Variants in MINDY2 observed in about 807,000 individuals in gnomAD.
The protein encoded by MINDY2 is ubiquitin carboxyl-terminal hydrolase MINDY-2.
In MINDY2, 52 loss-of-function variants were observed where a neutral mutation model predicts 68.2. The ratio of observed to expected loss-of-function variants is 0.76; its 90% CI spans 0.61 to 0.96. The LOEUF is 0.96. Ranked by LOEUF, MINDY2 falls within the 40% of genes least tolerant of loss-of-function variation. The pLI is 0.00. For missense variants in MINDY2, 881 were observed against 773.4 expected (o/e 1.14, Z -1.65); for synonymous variants, 372 against 303.0 (o/e 1.23, Z -2.36).
intron 5 of MINDY2, among the ~76,000 whole-genome samples, chr15:58,825,946 T>A (rs1358004048): frequency 1.3e-5 from 2 of 152,178 alleles, no homozygotes; most frequent in Admixed American, 6.6e-5. Context: ...GACAAAAATA[T>A]GCTTATAAAA....
chr15:58,806,105 C>T (rs945675114), intron 3 of MINDY2, among the ~76,000 whole-genome samples: 3 of 152,148 alleles, frequency 2.0e-5, no homozygotes, highest in South Asian at 2.1e-4. Flanking sequence ...ACAAAGTCTC[C>T]CTCTGTTGTA....
chr15:58,799,290 G>A (rs190230492), intron 2 of MINDY2, among the ~76,000 whole-genome samples: 17 of 152,332 alleles, frequency 1.1e-4, no homozygotes, highest in Middle Eastern at 3.4e-3. Context: ...AAACACGGCT[G>A]GGCGCGGTGG....
intron 3 of MINDY2, among the ~76,000 whole-genome samples, chr15:58,803,367 C>T (rs1182535327): frequency 6.6e-6 from 1 of 151,618 alleles, no homozygotes; most frequent in African/African-American, 2.4e-5. Flanking sequence ...AGTCGTGAGG[C>T]TGAGGCAGGA....
chr15:58,817,735 A>G (rs28613590), intron 4 of MINDY2: 2 of 150,170 alleles, frequency 1.3e-5, no homozygotes, highest in African/African-American at 2.5e-5. Flanking sequence ...AAACAAAAAT[A>G]AAAAAATAAA....
At chr15:58,821,642 TA>T in intron 4 of MINDY2, 74 bp from the exon 5 acceptor site, 1 of 809,658 alleles carries the variant, frequency 1.2e-6, no homozygotes, top group Non-Finnish European at 1.8e-6. Flanking sequence ...AATAAAATTC[TA>T]AAGAGTGATA....
rs149057459 is a variant in MINDY2, at chr15:58,800,058, G to A, written c.899-2255G>A. Reference sequence around the variant, plus strand: ...GAATATAAATACGCTATAAAGCGAGGTCAATGTTGAAGCATTTTAATTTCG... The same window carrying A: ...GAATATAAATACGCTATAAAGCGAGATCAATGTTGAAGCATTTTAATTTCG... On this transcript the variant is annotated intron_variant, in intron 2 of 8. Coordinates refer to ENST00000559228, the MANE Select transcript of MINDY2 (RefSeq NM_001040450.3). 1.6e-4 allele frequency among the ~76,000 whole-genome samples: 25 copies of A among 152,310 alleles called. No homozygotes were observed. The East Asian group carries it at 2.7e-3, about 16-fold the overall frequency.
chr15:58,774,869 G>A (rs1900681983), intron 1 of MINDY2, among the ~76,000 whole-genome samples: 1 of 152,162 alleles, frequency 6.6e-6, no homozygotes, highest in Admixed American at 6.5e-5. Flanking sequence ...AAATTGATGG[G>A]TTTTATCAGA....
intron 1 of MINDY2, among the ~76,000 whole-genome samples, chr15:58,787,347 A>G (rs1368594264): frequency 6.6e-6 from 1 of 151,972 alleles, no homozygotes; most frequent in Non-Finnish European, 1.5e-5. Flanking sequence ...TCTAAACAAT[A>G]TAGTTAAATT....
intron 1 of MINDY2, among the ~76,000 whole-genome samples, chr15:58,772,558 C>CG (rs1900503758): frequency 6.6e-6 from 1 of 152,180 alleles, no homozygotes; most frequent in South Asian, 2.1e-4. Flanking sequence ...CATTTTCTTA[C>CG]TGACCTTATC....
intron 1 of MINDY2, among the ~76,000 whole-genome samples, chr15:58,780,220 C>T (rs527795430): frequency 2.0e-5 from 3 of 152,084 alleles, no homozygotes; most frequent in East Asian, 3.9e-4. Flanking sequence ...GCCTGACCAA[C>T]GTGGAGAAAC....
chr15:58,799,792 G>A (rs1902519185), intron 2 of MINDY2, among the ~76,000 whole-genome samples: 1 of 152,140 alleles, frequency 6.6e-6, no homozygotes, highest in African/African-American at 2.4e-5. Context: ...CTTTGGCATA[G>A]AGAAAGAAAC....
intron 6 of MINDY2, among the ~76,000 whole-genome samples, chr15:58,845,938 C>G (rs1258871323): frequency 2.0e-5 from 3 of 151,952 alleles, no homozygotes; most frequent in Non-Finnish European, 4.4e-5. Context: ...GTGAGATAAG[C>G]CAGGCACAGA....
Position 58,810,407 on chromosome 15 carries a change from A to T in MINDY2, c.1122+19A>T, listed in dbSNP as rs752769901. On this transcript the variant is annotated intron_variant, in intron 4 of 8. Transcript: ENST00000559228. ...CCCTCAGGTAAGTCGAAGAATTTAAATTATGTAAACACAAATACAGGAAAA... is the reference window on the plus strand; with the variant it reads ...CCCTCAGGTAAGTCGAAGAATTTAATTTATGTAAACACAAATACAGGAAAA... The T allele has an allele frequency of 6.5e-7, 1 of 1,542,996 alleles. No individual in the cohort carries two copies. Among genetic ancestry groups the T allele is most frequent in the Non-Finnish European group, 8.7e-7 (1 of 1,143,892 alleles).
intron 2 of MINDY2, among the ~76,000 whole-genome samples, chr15:58,794,546 AG>A (rs768819831): frequency 2.6e-5 from 4 of 152,112 alleles, no homozygotes; most frequent in Non-Finnish European, 4.4e-5. Context: ...ATTGGCCTGA[AG>A]GTCAGGAGAT....
intron 3 of MINDY2, 56 bp downstream of exon 3, chr15:58,802,433 G>T: frequency 9.0e-7 from 1 of 1,116,152 alleles, no homozygotes; most frequent in Non-Finnish European, 1.3e-6. Context: ...ATATACATTG[G>T]TTTCTATTAG....
intron 4 of MINDY2, among the ~76,000 whole-genome samples, chr15:58,820,146 G>T (rs530699773): frequency 2.6e-5 from 4 of 152,062 alleles, no homozygotes; most frequent in African/African-American, 9.7e-5. Context: ...TGCACCTGTA[G>T]TCTCAGCTAC....
intron 7 of MINDY2, among the ~76,000 whole-genome samples, chr15:58,848,457 T>C (rs1242728936): frequency 6.6e-6 from 1 of 152,172 alleles, no homozygotes; most frequent in African/African-American, 2.4e-5. Context: ...AAAGAATATT[T>C]AATTCTCCGG....
chr15:58,830,648 A>T (rs2031660827), intron 5 of MINDY2, among the ~76,000 whole-genome samples: 1 of 152,166 alleles, frequency 6.6e-6, no homozygotes, highest in Admixed American at 6.6e-5. Context: ...AAGGCACATC[A>T]CAGCCTTTGT....
chr15:58,835,026 T>G (rs2031925409), intron 6 of MINDY2, among the ~76,000 whole-genome samples: 1 of 152,202 alleles, frequency 6.6e-6, no homozygotes, highest in Non-Finnish European at 1.5e-5. Context: ...ATTTCTTACT[T>G]AACCTGACCT....
Sources: gnomAD v4.1 joint callset for allele counts (sites outside exome capture counted in the v4.1 genomes callset) on GRCh38, gnomAD v4.1.1 for gene constraint, MANE v1.5 for transcripts, NCBI Gene and HGNC (gene_info 2026-07-23, HGNC 2026-07-21) for gene names.